RABGAP1L: variants seen among roughly 807,000 people sequenced by gnomAD.
The protein encoded by RABGAP1L is RAB GTPase activating protein 1 like.
RABGAP1L carries 63 observed loss-of-function variants against 137.7 expected under a neutral mutation model. The ratio of observed to expected loss-of-function variants is 0.46; its 90% CI spans 0.37 to 0.56. RABGAP1L has a LOEUF of 0.56. Among genes scored for constraint, RABGAP1L ranks in the 20% least tolerant of loss-of-function variants. The probability of loss-of-function intolerance (pLI) is 0.00; values close to 1 mark genes in which losing one functional copy is unlikely to be tolerated. For missense variants in RABGAP1L, 1,095 were observed against 1,244.0 expected, an observed-to-expected ratio of 0.88 and a Z score of 1.80; for synonymous variants, 431 against 433.7, an observed-to-expected ratio of 0.99 and a Z score of 0.08.
At position 174,465,496 on chromosome 1, in the gene RABGAP1L, G is replaced by A. The variant is rs146593621; in HGVS notation, c.1710+71351G>A. Among the ~76,000 whole-genome samples the A allele has an allele frequency of 9.9e-5, 15 of 152,142 alleles. No individual in the cohort carries two copies. In the East Asian group the frequency reaches 1.6e-3, roughly 16 times the overall value. Reference sequence around the variant, plus strand: ...ATTACAGGCATGAGCCACCATGCCCGGCCTATTGAGCGTCTTTTGTGTGCA... The same window carrying A: ...ATTACAGGCATGAGCCACCATGCCCAGCCTATTGAGCGTCTTTTGTGTGCA... On this transcript the variant is annotated intron_variant, in intron 13 of 25. Transcript: ENST00000681986.
chr1:174,387,560 G>A (rs935238249), intron 12 of RABGAP1L, among the ~76,000 whole-genome samples: 119 of 147,562 alleles, frequency 8.1e-4, no homozygotes, highest in African/African-American at 2.8e-3. Context: ...TTTTTTTTTG[G>A]AAGGTAATAT....
At chr1:174,875,515 G>T in intron 19 of RABGAP1L, 2 of 985,198 alleles carry the variant, frequency 2.0e-6, no homozygotes, top group Non-Finnish European at 2.4e-6. Flanking sequence ...AGGTGTCTTT[G>T]TCAGTGCACC....
intron 1 of RABGAP1L, among the ~76,000 whole-genome samples, chr1:174,194,653 C>T (rs1015259147): frequency 6.6e-6 from 1 of 152,174 alleles, no homozygotes; most frequent in Non-Finnish European, 1.5e-5. Context: ...AGATTGTTAT[C>T]AGTTACCTGA....
chr1:174,406,904 T>C (rs1300077201), intron 13 of RABGAP1L, among the ~76,000 whole-genome samples: 1 of 152,202 alleles, frequency 6.6e-6, no homozygotes, highest in Non-Finnish European at 1.5e-5. Flanking sequence ...TACTTTTGCA[T>C]CAACCTAGTC....
chr1:174,383,355 A>T (rs2149047193), intron 12 of RABGAP1L, among the ~76,000 whole-genome samples: 3 of 151,534 alleles, frequency 2.0e-5, no homozygotes, highest in Admixed American at 6.6e-5. Flanking sequence ...TTACCTAAGC[A>T]AGCCTGGGCA....
rs559022204 is a variant in RABGAP1L, at chr1:174,913,378, G to A, written c.2341-44079G>A. Among the ~76,000 whole-genome samples the A allele has an allele frequency of 3.9e-5, 6 of 152,330 alleles. No homozygotes were observed. In the South Asian group the frequency reaches 1.2e-3, roughly 32 times the overall value. On this transcript the variant is annotated intron_variant, in intron 19 of 25. Coordinates refer to ENST00000681986, the MANE Select transcript of RABGAP1L (RefSeq NM_001366446.1). ...TGCCTTGCTTATCATTGCTGTGTGAGAAGGGTAGCAGCACTAAACCTTGTG... is the reference window on the plus strand; with the variant it reads ...TGCCTTGCTTATCATTGCTGTGTGAAAAGGGTAGCAGCACTAAACCTTGTG...
At chr1:174,220,083 AT>A (rs1215301103) in intron 2 of RABGAP1L, among the ~76,000 whole-genome samples, 8 of 152,100 alleles carry the variant, frequency 5.3e-5, no homozygotes, top group African/African-American at 1.9e-4. Context: ...AGATACCTGT[AT>A]TTTAGCATTA....
intron 13 of RABGAP1L, among the ~76,000 whole-genome samples, chr1:174,581,033 AG>A (rs1474111999): frequency 6.6e-6 from 1 of 152,202 alleles, no homozygotes; most frequent in Non-Finnish European, 1.5e-5. Context: ...AGTGTTGGCA[AG>A]GATGTAGAGA....
intron 13 of RABGAP1L, among the ~76,000 whole-genome samples, chr1:174,621,037 G>A (rs1050919900): frequency 5.9e-5 from 9 of 152,134 alleles, no homozygotes; most frequent in Non-Finnish European, 1.3e-4. Context: ...AAATCTAGAA[G>A]AAATGGATAA....
intron 13 of RABGAP1L, among the ~76,000 whole-genome samples, chr1:174,505,099 T>C (rs754617121): frequency 4.6e-5 from 7 of 152,148 alleles, no homozygotes; most frequent in Non-Finnish European, 7.4e-5. Context: ...CCAGCAGGTA[T>C]ATAAAAAAAT....
chr1:174,615,382 G>A (rs1671722569), intron 13 of RABGAP1L, among the ~76,000 whole-genome samples: 1 of 152,230 alleles, frequency 6.6e-6, no homozygotes, highest in Non-Finnish European at 1.5e-5. Context: ...AGTGGCTGCA[G>A]AACTGCGGAT....
intron 19 of RABGAP1L, among the ~76,000 whole-genome samples, chr1:174,879,107 T>TG (rs1217498424): frequency 6.7e-6 from 1 of 150,308 alleles, no homozygotes; most frequent in African/African-American, 2.4e-5. Context: ...GCTGTTTTTT[T>TG]TTTTTTTTTT....
chr1:174,533,225 C>A (rs1250506080), intron 13 of RABGAP1L, among the ~76,000 whole-genome samples: 4 of 152,210 alleles, frequency 2.6e-5, no homozygotes, highest in South Asian at 2.1e-4. Context: ...CAGAGTGAGA[C>A]TCCGTCTCAA....
At chr1:174,970,157 A>G (rs1023239588) in intron 21 of RABGAP1L, among the ~76,000 whole-genome samples, 1 of 152,182 alleles carries the variant, frequency 6.6e-6, no homozygotes, top group Non-Finnish European at 1.5e-5. Flanking sequence ...CAGCCCACCC[A>G]TTTGGAAGCT....
intron 24 of RABGAP1L, among the ~76,000 whole-genome samples, chr1:174,987,009 G>A (rs1671646158): frequency 6.6e-6 from 1 of 152,178 alleles, no homozygotes; most frequent in Non-Finnish European, 1.5e-5. Flanking sequence ...AGGTTCTTAA[G>A]AGAGTGACAA....
intron 13 of RABGAP1L, among the ~76,000 whole-genome samples, chr1:174,600,693 C>T (rs1174583092): frequency 6.6e-6 from 1 of 152,200 alleles, no homozygotes; most frequent in Admixed American, 6.5e-5. Flanking sequence ...GGTGGGTTCC[C>T]ATCATCTTGG....
chr1:174,331,725 G>C (rs367915104), intron 11 of RABGAP1L, among the ~76,000 whole-genome samples: 7 of 151,954 alleles, frequency 4.6e-5, no homozygotes, highest in African/African-American at 1.7e-4. Flanking sequence ...CGTGCACAAC[G>C]TGCAGGTTTG....
At chr1:174,507,444 C>T (rs887371867) in intron 13 of RABGAP1L, among the ~76,000 whole-genome samples, 1 of 152,028 alleles carries the variant, frequency 6.6e-6, no homozygotes, top group African/African-American at 2.4e-5. Flanking sequence ...AATACCAGTA[C>T]CTTCAAACAC....
intron 17 of RABGAP1L, among the ~76,000 whole-genome samples, chr1:174,727,364 T>G (rs1257574305): frequency 2.0e-5 from 3 of 152,230 alleles, no homozygotes; most frequent in Admixed American, 6.5e-5. Context: ...AATCATATGG[T>G]GATCCTATTT....
Sources: allele counts gnomAD v4.1 joint callset (sites outside exome capture counted in the v4.1 genomes callset), GRCh38; gene constraint gnomAD v4.1.1; transcripts MANE v1.5; gene names NCBI Gene and HGNC (gene_info 2026-07-23, HGNC 2026-07-21).